DYNC2H1: variants seen among roughly 807,000 people sequenced by gnomAD.
DYNC2H1 encodes the protein dynein cytoplasmic 2 heavy chain 1, also known as cytoplasmic dynein 2 heavy chain 1.
Under a neutral mutation model 570.0 loss-of-function variants are expected in DYNC2H1, and 410 were observed. The observed-to-expected ratio is 0.72, with a 90% CI of 0.66 to 0.78. The LOEUF is 0.78. Among genes scored for constraint, DYNC2H1 ranks in the 30% least tolerant of loss-of-function variants. The probability of loss-of-function intolerance (pLI) is 0.00; values close to 1 mark genes in which losing one functional copy is unlikely to be tolerated. For missense variants in DYNC2H1, 4,865 were observed against 5,046.4 expected, an observed-to-expected ratio of 0.96 and a Z score of 1.09; for synonymous variants, 1,688 against 1,677.6, an observed-to-expected ratio of 1.01 and a Z score of -0.15.
At chr11:103,224,449 C>T (rs1048336093) in intron 59 of DYNC2H1, among the ~76,000 whole-genome samples, 7 of 152,246 alleles carry the variant, frequency 4.6e-5, no homozygotes, top group East Asian at 3.9e-4. Context: ...CTCATTCTTA[C>T]GCCTTTGCGT....
intron 84 of DYNC2H1, among the ~76,000 whole-genome samples, chr11:103,411,383 C>CTTTG (rs1004058569): frequency 2.0e-5 from 3 of 151,580 alleles, no homozygotes; most frequent in Admixed American, 2.0e-4. Context: ...AAAATGGAGG[C>CTTTG]TTTGTTTAGT....
intron 82 of DYNC2H1, among the ~76,000 whole-genome samples, chr11:103,351,304 T>C (rs913674321): frequency 6.6e-6 from 1 of 152,190 alleles, no homozygotes; most frequent in African/African-American, 2.4e-5. Flanking sequence ...GAAAGTAAAC[T>C]GCATGTCCTT....
intron 88 of DYNC2H1, among the ~76,000 whole-genome samples, chr11:103,473,196 G>C (rs1258179196): frequency 6.6e-6 from 1 of 151,796 alleles, no homozygotes; most frequent in South Asian, 2.1e-4. Context: ...AAATGCTGAT[G>C]AAATATTTTT....
chr11:103,327,340 T>C (rs1281656816), intron 82 of DYNC2H1, among the ~76,000 whole-genome samples: 1 of 152,130 alleles, frequency 6.6e-6, no homozygotes, highest in Non-Finnish European at 1.5e-5. Flanking sequence ...TACATACGTG[T>C]GTGTGTGTAT....
rs1864870604 is a variant in DYNC2H1, at chr11:103,252,421, G to T, written c.10043-864G>T. 6.6e-6 allele frequency among the ~76,000 whole-genome samples: 1 copy of T among 151,954 alleles called. No individual in the cohort carries two copies. The highest frequency in any genetic ancestry group is 2.4e-5 in the African/African-American group (1 of 41,360). On this transcript the variant is annotated intron_variant, in intron 65 of 88. Transcript: ENST00000375735. The surrounding 1 kb of genome is among the most constrained non-coding windows in gnomAD (Gnocchi z 4.6). Reference sequence around the variant, plus strand: ...GTAGTTCTGTTTTTAATTTCTTTAGGAACCTTCCTACCATTTTTCATAATG... The same window carrying T: ...GTAGTTCTGTTTTTAATTTCTTTAGTAACCTTCCTACCATTTTTCATAATG...
At chr11:103,398,876 A>G (rs944665820) in intron 83 of DYNC2H1, among the ~76,000 whole-genome samples, 1 of 152,088 alleles carries the variant, frequency 6.6e-6, no homozygotes, top group Non-Finnish European at 1.5e-5. Flanking sequence ...TATAATGTTC[A>G]CTGATCTTGA....
chr11:103,216,789 CA>C (rs5794214), intron 55 of DYNC2H1, among the ~76,000 whole-genome samples: 5 of 147,950 alleles, frequency 3.4e-5, no homozygotes, highest in African/African-American at 7.5e-5. Flanking sequence ...GCAAGACTCT[CA>C]AAAAAAAAAA....
At position 103,261,301 on chromosome 11, in the gene DYNC2H1, G is replaced by A. The variant is rs1346142161; in HGVS notation, c.10695+1324G>A. Reference sequence around the variant, plus strand: ...CAGACTTAAACATTCCCACCTGCTGGCTCTGAAGAGAGCATCGGATCTCCA... The same window carrying A: ...CAGACTTAAACATTCCCACCTGCTGACTCTGAAGAGAGCATCGGATCTCCA... On this transcript the variant is annotated intron_variant, in intron 70 of 88. Coordinates refer to ENST00000375735, the MANE Select transcript of DYNC2H1 (RefSeq NM_001377.3). The surrounding 1 kb of genome is among the most constrained non-coding windows in gnomAD (Gnocchi z 4.8). 4.6e-5 allele frequency among the ~76,000 whole-genome samples: 7 copies of A among 152,178 alleles called. No individual in the cohort carries two copies. The highest frequency in any genetic ancestry group is 1.0e-4 in the Non-Finnish European group (7 of 68,040).
intron 70 of DYNC2H1, among the ~76,000 whole-genome samples, chr11:103,269,243 G>A (rs1205349806): frequency 6.6e-6 from 1 of 152,058 alleles, no homozygotes; most frequent in South Asian, 2.1e-4. Flanking sequence ...ATTTCTGTTT[G>A]AGTAATATTA....
At chr11:103,360,203 C>T (rs1048593777) in intron 83 of DYNC2H1, among the ~76,000 whole-genome samples, 3 of 151,504 alleles carry the variant, frequency 2.0e-5, no homozygotes, top group Non-Finnish European at 4.4e-5. Flanking sequence ...TCATAATTTC[C>T]CCTAAAATAA....
chr11:103,137,229 AATT>A (rs1374388576), intron 17 of DYNC2H1, among the ~76,000 whole-genome samples: 3 of 148,448 alleles, frequency 2.0e-5, no homozygotes, highest in African/African-American at 7.4e-5. Context: ...TCTTTAGTTG[AATT>A]AGATCCCATT....
At chr11:103,463,150 T>C (rs1344129134) in intron 87 of DYNC2H1, among the ~76,000 whole-genome samples, 1 of 152,138 alleles carries the variant, frequency 6.6e-6, no homozygotes, top group Non-Finnish European at 1.5e-5. Context: ...TCCACTCTTA[T>C]CTAAATATAT....
intron 87 of DYNC2H1, among the ~76,000 whole-genome samples, chr11:103,459,052 G>T (rs373225700): frequency 6.6e-6 from 1 of 151,672 alleles, no homozygotes; most frequent in Non-Finnish European, 1.5e-5. Flanking sequence ...GCTCACGCCT[G>T]TAATCCCAGC....
At position 103,166,016 on chromosome 11, in the gene DYNC2H1, T is replaced by C. The variant is rs1311239446; in HGVS notation, c.4730T>C (p.Ile1577Thr). The C allele has an allele frequency of 3.3e-6, 5 of 1,532,952 alleles. No homozygotes were observed. The highest frequency in any genetic ancestry group is 4.4e-6 in the Non-Finnish European group (5 of 1,138,436). 95.0% of individuals were successfully genotyped at this position (1,532,952 alleles called of 1,614,324 possible). ...AATAAGTTAGAGCAATATACTAACATTGATACAAGTTCTGAGGATCCAGGG... is the reference window on the plus strand; with the variant it reads ...AATAAGTTAGAGCAATATACTAACACTGATACAAGTTCTGAGGATCCAGGG... ...LVNKLEQYTN[I>T]DTSSEDPGNT... Residue 1577 changes from isoleucine (I) to threonine (T), a missense_variant, in exon 31 of 89, where the codon ATT becomes ACT. By Grantham distance (89) the Ile-to-Thr change is moderately conservative. Transcript: ENST00000375735.
Position 103,324,483 on chromosome 11 carries a change from T to C in DYNC2H1, c.12039+493T>C, listed in dbSNP as rs957470336. Reference sequence around the variant, plus strand: ...AAATGATCTCCAGCTCCATCCATCCTTGCTGTGAAGGACATGGTCTTGCTC... The same window carrying C: ...AAATGATCTCCAGCTCCATCCATCCCTGCTGTGAAGGACATGGTCTTGCTC... On this transcript the variant is annotated intron_variant, in intron 82 of 88. Coordinates refer to ENST00000375735, the MANE Select transcript of DYNC2H1 (RefSeq NM_001377.3). The surrounding 1 kb of genome is among the most constrained non-coding windows in gnomAD (Gnocchi z 5.2). 5.3e-5 allele frequency among the ~76,000 whole-genome samples: 8 copies of C among 152,226 alleles called. No individual in the cohort carries two copies. The highest frequency in any genetic ancestry group is 1.7e-4 in the African/African-American group (7 of 41,464).
In DYNC2H1 at chr11:103,143,399, T is replaced by C. The variant is rs370203556; in HGVS notation, c.2702+4T>C. 1 of 1,608,558 alleles carries C rather than the reference T, an allele frequency of 6.2e-7. No homozygotes were observed. Among genetic ancestry groups the C allele is most frequent in the Non-Finnish European group, 8.5e-7 (1 of 1,177,964 alleles). Reference sequence around the variant, plus strand: ...AAGAAGTAGAACGACTTCCAAGGTATTGGAGGTTAATGTAGTACTTACGTA... The same window carrying C: ...AAGAAGTAGAACGACTTCCAAGGTACTGGAGGTTAATGTAGTACTTACGTA... On this transcript the variant is annotated splice_donor_region_variant and intron_variant, in intron 18 of 88. Coordinates refer to ENST00000375735, the MANE Select transcript of DYNC2H1 (RefSeq NM_001377.3).
intron 22 of DYNC2H1, among the ~76,000 whole-genome samples, chr11:103,153,853 A>G (rs189380836): frequency 6.6e-6 from 1 of 152,042 alleles, no homozygotes; most frequent in Admixed American, 6.6e-5. Flanking sequence ...AAAAAAATAA[A>G]TCTAGCATAA....
In DYNC2H1 at chr11:103,321,155, C is replaced by A. The variant is rs1938166584; in HGVS notation, c.11852C>A (p.Ser3951Ter). The A allele has an allele frequency of 1.2e-6, 2 of 1,611,918 alleles. No individual in the cohort carries two copies. The highest frequency in any genetic ancestry group is 1.7e-6 in the Non-Finnish European group (2 of 1,178,838). The change falls in exon 81 of 89, where the codon TCA becomes TAA. Residue 3951 changes from serine to a stop codon, truncating the protein, a stop_gained. Transcript: ENST00000375735. LOFTEE classifies it high-confidence loss of function. ...TACCTGAAGCAGTTTTTTAATTCTTCAGTTATTGATGTATTCAACCAAAGG... is the reference window on the plus strand; with the variant it reads ...TACCTGAAGCAGTTTTTTAATTCTTAAGTTATTGATGTATTCAACCAAAGG... ...QSYLKQFFNS[S>*]VIDVFNQRNK...
chr11:103,176,987 TGA>T (rs1379679211), intron 37 of DYNC2H1, among the ~76,000 whole-genome samples: 2 of 152,202 alleles, frequency 1.3e-5, no homozygotes, highest in African/African-American at 4.8e-5. Context: ...ATTACAGGCC[TGA>T]GCCACCGCAT....
Sources: gnomAD v4.1 joint callset for allele counts (sites outside exome capture counted in the v4.1 genomes callset) on GRCh38, gnomAD v4.1.1 for gene constraint, Gnocchi (gnomAD v3.1) non-coding constraint, MANE v1.5 for transcripts, NCBI Gene and HGNC (gene_info 2026-07-23, HGNC 2026-07-21) for gene names.